Variants in SCN9A observed in about 807,000 individuals in gnomAD.
SCN9A encodes sodium channel protein type 9 subunit alpha.
SCN9A carries 131 observed loss-of-function variants against 187.0 expected under a neutral mutation model. The ratio of observed to expected loss-of-function variants is 0.70; its 90% CI spans 0.61 to 0.81. The LOEUF is 0.81. Ranked by LOEUF, SCN9A falls within the 30% of genes least tolerant of loss-of-function variation. The pLI is 0.00. For synonymous variants in SCN9A, 809 were observed against 808.6 expected (o/e 1.00, Z -0.01); for missense variants, 2,252 against 2,396.6 (o/e 0.94, Z 1.26).
chr2:166,313,141 C>A (rs1699020164), intron 1 of SCN9A, among the ~76,000 whole-genome samples: 1 of 149,224 alleles, frequency 6.7e-6, no homozygotes, highest in South Asian at 2.1e-4. Context: ...ATGTAATTTT[C>A]TGAATAGTAA....
At chr2:166,368,652 C>G (rs1023972812) in intron 1 of SCN9A, among the ~76,000 whole-genome samples, 3 of 144,760 alleles carry the variant, frequency 2.1e-5, no homozygotes, top group Non-Finnish European at 4.5e-5. Flanking sequence ...TGTAAAAAAC[C>G]TGCACATCCT....
Position 166,204,367 on chromosome 2 carries a change from C to A in SCN9A, c.4496G>T (p.Arg1499Leu). 6.2e-7 allele frequency: 1 copy of A among 1,605,982 alleles called. No individual in the cohort carries two copies. Among genetic ancestry groups the A allele is most frequent in the South Asian group, 1.1e-5 (1 of 89,456 alleles). Residue 1499 changes from arginine to leucine, a missense_variant, in exon 25 of 27, where the codon CGA becomes CTA. Coordinates refer to ENST00000642356, the MANE Select transcript of SCN9A (RefSeq NM_001365536.1). The stretch of plus-strand genomic sequence containing the variant: ...ATATATATATTTTTTTACCCCTGGT[C>A]GAGGAATTGGCTTTTGTGGCTTCTT... Reference protein sequence around the residue: ...GSKKPQKPIPRPGNKIQGCIF... With the variant: ...GSKKPQKPIPLPGNKIQGCIF...
Position 166,311,329 on chromosome 2 carries a change from CCTATAT to C in SCN9A, c.258+164_258+169del, listed in dbSNP as rs1454937529. The stretch of plus-strand genomic sequence containing the variant: ...TTGAAAAAGTACAGATTCTGAATAT[CCTATAT>C]ATATATATATATATATATATATATA... On this transcript the variant is annotated intron_variant, in intron 2 of 26. Coordinates refer to ENST00000642356, the MANE Select transcript of SCN9A (RefSeq NM_001365536.1). Among the ~76,000 whole-genome samples the C allele has an allele frequency of 9.0e-3, 433 of 47,898 alleles. 56 individuals carry two copies. Among genetic ancestry groups the C allele is most frequent in the South Asian group, 0.028 (31 of 1,104 alleles). The allele number at this position is 47,898 out of a possible 152,430, so 31.4% of individuals were successfully genotyped here.
chr2:166,223,189 G>A (rs1694699246), intron 24 of SCN9A, among the ~76,000 whole-genome samples: 1 of 152,042 alleles, frequency 6.6e-6, no homozygotes, highest in Non-Finnish European at 1.5e-5. Flanking sequence ...ACTACCATTT[G>A]ATCTAGCAAT....
At chr2:166,342,889 C>T (rs547021107) in intron 1 of SCN9A, among the ~76,000 whole-genome samples, 2 of 152,242 alleles carry the variant, frequency 1.3e-5, no homozygotes, top group South Asian at 2.1e-4. Flanking sequence ...TGCATACATC[C>T]ACCACCAAAG....
intron 1 of SCN9A, among the ~76,000 whole-genome samples, chr2:166,340,854 C>T (rs1313984857): frequency 6.6e-6 from 1 of 151,862 alleles, no homozygotes; most frequent in Non-Finnish European, 1.5e-5. Flanking sequence ...AACTCCTGGG[C>T]TCAAGTGATC....
In SCN9A at chr2:166,307,091, A is replaced by T. The variant is rs201599943; in HGVS notation, c.259-17T>A. 115 of 1,419,900 alleles carry T rather than the reference A, an allele frequency of 8.1e-5. No homozygotes were observed. Among genetic ancestry groups the T allele is most frequent in the Non-Finnish European group, 1.1e-4 (108 of 1,008,920 alleles). The allele number at this position is 1,419,900 out of a possible 1,614,324, so 88.0% of individuals were successfully genotyped here. ...TATGAAAGTCTGCAGGAGGAAAAAGAAAGGATGAAATTGAGAATCCAAAAT... is the reference window on the plus strand; with the variant it reads ...TATGAAAGTCTGCAGGAGGAAAAAGTAAGGATGAAATTGAGAATCCAAAAT... On this transcript the variant is annotated splice_polypyrimidine_tract_variant and intron_variant, in intron 2 of 26. Coordinates refer to ENST00000642356, the MANE Select transcript of SCN9A (RefSeq NM_001365536.1).
At chr2:166,253,881 G>T (rs1340764156) in intron 17 of SCN9A, among the ~76,000 whole-genome samples, 1 of 151,670 alleles carries the variant, frequency 6.6e-6, no homozygotes, top group African/African-American at 2.4e-5. Context: ...TAGTTATAAT[G>T]GTTTTTCTCT....
intron 2 of SCN9A, 101 bp downstream of exon 2, chr2:166,311,398 T>C (rs1698951018): frequency 2.3e-6 from 1 of 432,898 alleles, no homozygotes; most frequent in Non-Finnish European, 3.5e-6. Context: ...ATTCTGGTCA[T>C]GATATGGTTA....
intron 18 of SCN9A, among the ~76,000 whole-genome samples, chr2:166,246,645 A>G (rs926986912): frequency 5.3e-5 from 8 of 152,096 alleles, no homozygotes; most frequent in African/African-American, 1.9e-4. Context: ...CATATAAGAA[A>G]GAATTTATCT....
chr2:166,233,569 T>C, intron 20 of SCN9A, 107 bp from the exon 21 acceptor site: 2 of 808,644 alleles, frequency 2.5e-6, no homozygotes, highest in South Asian at 2.0e-5. Flanking sequence ...AACAATAAGA[T>C]GGTATATACG....
intron 13 of SCN9A, among the ~76,000 whole-genome samples, chr2:166,281,311 A>G (rs1343606332): frequency 6.6e-6 from 1 of 152,170 alleles, no homozygotes; most frequent in Admixed American, 6.6e-5. Context: ...TGTAATTTGT[A>G]AGATTATATA....
rs1471044025 is a variant in SCN9A, at chr2:166,280,603, A to T, written c.2105-8T>A. The T allele has an allele frequency of 2.6e-6, 4 of 1,510,466 alleles. No individual in the cohort carries two copies. The African/African-American group carries it at 5.5e-5, about 21-fold the overall frequency. The allele number at this position is 1,510,466 out of a possible 1,614,324, so 93.6% of individuals were successfully genotyped here. On this transcript the variant is annotated splice_region_variant and splice_polypyrimidine_tract_variant and intron_variant, in intron 13 of 26. Transcript: ENST00000642356. ...GTCTGGACTCTTCAAGTTCTGGGAG[A>T]AAAAAGCAGAGAACATGGAGTCAGC...
At chr2:166,297,153 C>T (rs1318496339) in intron 7 of SCN9A, among the ~76,000 whole-genome samples, 1 of 124,906 alleles carries the variant, frequency 8.0e-6, no homozygotes, top group East Asian at 2.4e-4. Context: ...GCCGAGATAG[C>T]GACACTGCAT....
intron 24 of SCN9A, among the ~76,000 whole-genome samples, chr2:166,222,939 A>AAAC (rs1694662516): frequency 1.9e-5 from 2 of 103,460 alleles, no homozygotes; most frequent in Non-Finnish European, 4.0e-5. Context: ...TCAAAAAAAA[A>AAAC]AACAACAAAA....
intron 18 of SCN9A, among the ~76,000 whole-genome samples, chr2:166,250,786 A>G (rs1696000450): frequency 6.6e-6 from 1 of 152,056 alleles, no homozygotes; most frequent in South Asian, 2.1e-4. Flanking sequence ...TTCAGACTTT[A>G]CCCTAGAGGC....
chr2:166,286,874 C>A, intron 10 of SCN9A, among the ~76,000 whole-genome samples: 1 of 152,024 alleles, frequency 6.6e-6, no homozygotes, highest in Non-Finnish European at 1.5e-5. Context: ...AATTTGCTTA[C>A]AGTAAAGACA....
chr2:166,251,780 C>G lies in SCN9A; in HGVS notation c.3457G>C (p.Ala1153Pro), dbSNP rs1397329989. The G allele has an allele frequency of 6.2e-7, 1 of 1,612,570 alleles. No homozygotes were observed. The highest frequency in any genetic ancestry group is 8.5e-7 in the Non-Finnish European group (1 of 1,179,020). The change falls in exon 18 of 27, where the codon GCC (alanine) becomes CCC (proline). Residue 1153 changes from alanine to proline, a missense_variant. Transcript: ENST00000642356. ...TTTGTCTTACCATCTGTGAAACAGGCCTCTGGCTCATCGGAATTCATAGGT... is the reference window on the plus strand; with the variant it reads ...TTTGTCTTACCATCTGTGAAACAGGGCTCTGGCTCATCGGAATTCATAGGT... ...AEPMNSDEPE[A>P]CFTDGCVWRF...
chr2:166,343,662 G>A (rs1292072673), intron 1 of SCN9A, among the ~76,000 whole-genome samples: 1 of 152,142 alleles, frequency 6.6e-6, no homozygotes, highest in Non-Finnish European at 1.5e-5. Flanking sequence ...ACTTTGGGAG[G>A]CCGAGGGGAG....
Sources: allele counts gnomAD v4.1 joint callset (sites outside exome capture counted in the v4.1 genomes callset), GRCh38; gene constraint gnomAD v4.1.1; transcripts MANE v1.5; gene names NCBI Gene and HGNC (gene_info 2026-07-23, HGNC 2026-07-21).